The following WWC1 variants were observed in gnomAD, a reference collection of about 807,000 sequenced individuals.
The protein encoded by WWC1 is protein KIBRA.
A neutral mutation model predicts 138.4 loss-of-function variants in WWC1; 55 were observed. The ratio of observed to expected loss-of-function variants is 0.40; its 90% CI spans 0.32 to 0.50. The LOEUF (loss-of-function observed/expected upper bound fraction) is 0.50. WWC1 is among the 20% of genes least tolerant of loss of function. The pLI is 0.72. For synonymous variants in WWC1, 524 were observed against 564.9 expected (o/e 0.93, Z 1.03); for missense variants, 1,226 against 1,420.4 (o/e 0.86, Z 2.20).
At chr5:168,454,925 A>G (rs905112668) in intron 18 of WWC1, among the ~76,000 whole-genome samples, 1 of 152,346 alleles carries the variant, frequency 6.6e-6, no homozygotes, top group Admixed American at 6.5e-5. Flanking sequence ...AGATTTGCCA[A>G]TTGCCTTCAG....
chr5:168,438,540 G>A (rs1366433211), intron 15 of WWC1, among the ~76,000 whole-genome samples: 4 of 152,122 alleles, frequency 2.6e-5, no homozygotes, highest in South Asian at 2.1e-4. Context: ...ACTCAGTCTC[G>A]GGTATGCCTT....
chr5:168,389,765 C>A (rs1039941267), intron 3 of WWC1, among the ~76,000 whole-genome samples: 1 of 152,102 alleles, frequency 6.6e-6, no homozygotes, highest in African/African-American at 2.4e-5. Context: ...TTCTTAACCT[C>A]AGCACCATTA....
At chr5:168,319,325 C>T (rs1213753215) in intron 1 of WWC1, among the ~76,000 whole-genome samples, 2 of 152,090 alleles carry the variant, frequency 1.3e-5, no homozygotes, top group African/African-American at 4.8e-5. Flanking sequence ...GAGGCCGAGG[C>T]AGGAGAATCA....
At chr5:168,407,471 A>G (rs1481216916) in intron 6 of WWC1, among the ~76,000 whole-genome samples, 1 of 152,172 alleles carries the variant, frequency 6.6e-6, no homozygotes, top group African/African-American at 2.4e-5. Flanking sequence ...AGGAGTCCTC[A>G]GAGATGCTAT....
At chr5:168,421,364 C>T (rs1781077362) in intron 9 of WWC1, among the ~76,000 whole-genome samples, 1 of 152,226 alleles carries the variant, frequency 6.6e-6, no homozygotes, top group Admixed American at 6.5e-5. Context: ...CTGGAAGAGG[C>T]TCACCTGCCA....
At chr5:168,408,994 C>G (rs1339240557) in intron 7 of WWC1, among the ~76,000 whole-genome samples, 1 of 151,978 alleles carries the variant, frequency 6.6e-6, no homozygotes, top group East Asian at 1.9e-4. Context: ...TTTTGCAGTT[C>G]CATTTTCATT....
intron 1 of WWC1, among the ~76,000 whole-genome samples, chr5:168,328,843 GTTTTTTCACTT>G (rs959996187): frequency 7.9e-5 from 12 of 152,110 alleles, no homozygotes; most frequent in Middle Eastern, 3.2e-3. Flanking sequence ...CCTGTGGGGA[GTTTTTTCACTT>G]CCCTTTCCCC....
intron 19 of WWC1, among the ~76,000 whole-genome samples, chr5:168,457,894 A>G (rs753993159): frequency 6.6e-6 from 1 of 152,234 alleles, no homozygotes; most frequent in Non-Finnish European, 1.5e-5. Flanking sequence ...TGAAGGAGAG[A>G]AAGAGTGGCC....
At position 168,423,623 on chromosome 5, in the gene WWC1, C is replaced by T; in HGVS notation, c.1365C>T (p.Asp455=). ...SRGSLVASSL[D]SSTSASFTDL... Reference sequence around the variant, plus strand: ...GCTCCCTGGTTGCATCCAGCCTGGACTCCTCCACTTCAGCCAGCTTCACTG... The same window carrying T: ...GCTCCCTGGTTGCATCCAGCCTGGATTCCTCCACTTCAGCCAGCTTCACTG... Residue 455 remains aspartate, a synonymous_variant, in exon 11 of 23, where the codon GAC becomes GAT. Coordinates refer to ENST00000265293, the MANE Select transcript of WWC1 (RefSeq NM_015238.3). 3 of 1,614,180 alleles carry T rather than the reference C, an allele frequency of 1.9e-6. No individual in the cohort carries two copies. Among genetic ancestry groups the T allele is most frequent in the Non-Finnish European group, 1.7e-6 (2 of 1,180,034 alleles).
chr5:168,316,397 G>A (rs886645573), intron 1 of WWC1, among the ~76,000 whole-genome samples: 13 of 152,178 alleles, frequency 8.5e-5, no homozygotes, highest in African/African-American at 2.9e-4. Flanking sequence ...AGTCCAGGGT[G>A]CCTCCTGGAA....
intron 20 of WWC1, 58 bp downstream of exon 20, chr5:168,460,800 C>T: frequency 6.5e-7 from 1 of 1,546,336 alleles, no homozygotes; most frequent in Non-Finnish European, 8.9e-7. Flanking sequence ...TGCCCCAAGC[C>T]CTGTGTCCTG....
chr5:168,417,754 G>A (rs995846497), intron 9 of WWC1, among the ~76,000 whole-genome samples: 9 of 152,200 alleles, frequency 5.9e-5, no homozygotes, highest in African/African-American at 2.2e-4. Context: ...CTGGTAGGAG[G>A]GTGCTTGGGG....
At chr5:168,420,982 A>G (rs1019587809) in intron 9 of WWC1, among the ~76,000 whole-genome samples, 5 of 152,098 alleles carry the variant, frequency 3.3e-5, no homozygotes, top group Non-Finnish European at 5.9e-5. Context: ...TCCATTATCC[A>G]TCCTTAAATT....
At chr5:168,436,407 C>A (rs1434705656) in intron 15 of WWC1, among the ~76,000 whole-genome samples, 2 of 152,084 alleles carry the variant, frequency 1.3e-5, no homozygotes, top group African/African-American at 4.8e-5. Flanking sequence ...ATCAGAGGGC[C>A]CAGGGCTGGG....
intron 1 of WWC1, among the ~76,000 whole-genome samples, chr5:168,340,265 G>A (rs890664270): frequency 2.0e-5 from 3 of 151,982 alleles, no homozygotes; most frequent in Admixed American, 6.6e-5. Context: ...TAGTAGAGAC[G>A]GAGTTTCCTC....
intron 5 of WWC1, among the ~76,000 whole-genome samples, chr5:168,404,935 T>G (rs949951777): frequency 1.3e-5 from 2 of 151,518 alleles, no homozygotes; most frequent in African/African-American, 4.9e-5. Context: ...TGAACCTGTA[T>G]GTAGGGCCTG....
intron 3 of WWC1, among the ~76,000 whole-genome samples, chr5:168,394,155 T>TA (rs890734464): frequency 6.6e-6 from 1 of 151,814 alleles, no homozygotes; most frequent in Admixed American, 6.6e-5. Flanking sequence ...TCCTGAGAGG[T>TA]AAGTAAATAA....
In WWC1 at chr5:168,444,567, A is replaced by T. The variant is rs770578857; in HGVS notation, c.2507A>T (p.Gln836Leu). ...EKRQEGRSSTQTLEDSWRYEE... is the reference protein window; with the variant it reads ...EKRQEGRSSTLTLEDSWRYEE... ...AGGCAGGAGGGCAGGAGCAGCACAC[A>T]GACACTGGAAGACAGCTGGTGAGTG... is the stretch of plus-strand genomic sequence containing the variant. The change falls in exon 17 of 23, where the codon CAG (glutamine) becomes CTG (leucine). Residue 836 changes from glutamine (Q) to leucine (L), a missense_variant. By Grantham distance (113) the Gln-to-Leu change is moderately radical. Transcript: ENST00000265293. 1 of 1,612,792 alleles carries T rather than the reference A, an allele frequency of 6.2e-7. No individual in the cohort carries two copies. Among genetic ancestry groups the T allele is most frequent in the Non-Finnish European group, 8.5e-7 (1 of 1,179,630 alleles).
chr5:168,464,964 T>C lies in WWC1; in HGVS notation c.3150+2T>C, dbSNP rs756872975. On this transcript the variant is annotated splice_donor_variant, in intron 21 of 22. Coordinates refer to ENST00000265293, the MANE Select transcript of WWC1 (RefSeq NM_015238.3). LOFTEE classifies it high-confidence loss of function. ...CTGCTGAGGATGCTGGAGAAGCGGG[T>C]GAGTTCTGCCTCGAAGGCAGGGGAG... The C allele has an allele frequency of 2.5e-6, 4 of 1,613,494 alleles. No individual in the cohort carries two copies. The Admixed American group carries it at 5.0e-5, about 20-fold the overall frequency.
Sources: gnomAD v4.1 joint callset for allele counts (sites outside exome capture counted in the v4.1 genomes callset) on GRCh38, gnomAD v4.1.1 for gene constraint, MANE v1.5 for transcripts, NCBI Gene and HGNC (gene_info 2026-07-23, HGNC 2026-07-21) for gene names.